The following IL12RB2 variants were observed in gnomAD, a reference collection of about 807,000 sequenced individuals.
The protein encoded by IL12RB2 is interleukin 12 receptor subunit beta 2, also known as interleukin-12 receptor subunit beta-2.
In IL12RB2, 82 loss-of-function variants were observed where a neutral mutation model predicts 89.4. That is an observed-to-expected ratio of 0.92 (90% CI 0.77 to 1.10). The LOEUF (loss-of-function observed/expected upper bound fraction) is 1.10, where lower values mean the gene tolerates loss of function less well. Ranked by LOEUF, IL12RB2 falls within the 50% of genes least tolerant of loss-of-function variation. IL12RB2 has a pLI of 0.00. For missense variants in IL12RB2, 963 were observed against 1,031.9 expected, an observed-to-expected ratio of 0.93 and a Z score of 0.92; for synonymous variants, 368 against 370.1, an observed-to-expected ratio of 0.99 and a Z score of 0.07.
intron 8 of IL12RB2, among the ~76,000 whole-genome samples, chr1:67,333,831 T>TC (rs1658419031): frequency 6.6e-6 from 1 of 152,194 alleles, no homozygotes; most frequent in South Asian, 2.1e-4. Flanking sequence ...AGGTGATCTC[T>TC]CACCACTTAG....
intron 10 of IL12RB2, among the ~76,000 whole-genome samples, chr1:67,367,122 TTGGCTCATG>T (rs1662759008): frequency 6.6e-6 from 1 of 152,072 alleles, no homozygotes; most frequent in South Asian, 2.1e-4. Context: ...GCTGGGCATG[TTGGCTCATG>T]CCTGTAATCC....
intron 10 of IL12RB2, 40 bp downstream of exon 10, chr1:67,351,129 T>C (rs777655206): frequency 6.2e-7 from 1 of 1,605,492 alleles, no homozygotes; most frequent in Middle Eastern, 2.2e-4. Context: ...TGTGGAAAAC[T>C]GTGTCTTACT....
At chr1:67,378,423 A>G (rs1054006381) in intron 13 of IL12RB2, among the ~76,000 whole-genome samples, 5 of 116,178 alleles carry the variant, frequency 4.3e-5, no homozygotes, top group Non-Finnish European at 7.3e-5. Flanking sequence ...CTGGTAATCT[A>G]GGTTTACAGC....
At chr1:67,339,853 A>G (rs542134442) in intron 9 of IL12RB2, among the ~76,000 whole-genome samples, 20 of 152,312 alleles carry the variant, frequency 1.3e-4, no homozygotes, top group South Asian at 1.0e-3. Context: ...ATCGTGACTC[A>G]TCTTTGTTGA....
intron 15 of IL12RB2, among the ~76,000 whole-genome samples, chr1:67,386,875 TATATATATATATATATATATATA>T (rs1665232908): frequency 5.0e-5 from 1 of 19,972 alleles, no homozygotes; most frequent in Admixed American, 5.0e-4. Context: ...ATGTATTTTA[TATATATATATATATATATATATA>T]TATATATATA....
chr1:67,366,417 C>T (rs1662674651), intron 10 of IL12RB2, among the ~76,000 whole-genome samples: 1 of 131,718 alleles, frequency 7.6e-6, no homozygotes, highest in Non-Finnish European at 1.5e-5. Flanking sequence ...TGCCACTGCA[C>T]TCCAGCCTGG....
At chr1:67,354,552 C>T (rs923446653) in intron 10 of IL12RB2, among the ~76,000 whole-genome samples, 3 of 152,028 alleles carry the variant, frequency 2.0e-5, no homozygotes, top group African/African-American at 4.8e-5. Flanking sequence ...TCTTCAGAGC[C>T]GAGCTGTCGT....
intron 9 of IL12RB2, among the ~76,000 whole-genome samples, chr1:67,342,180 C>T (rs1014190388): frequency 2.0e-5 from 3 of 151,896 alleles, no homozygotes; most frequent in Non-Finnish European, 4.4e-5. Context: ...GGAGCAAGGG[C>T]GTGTGTGGTG....
chr1:67,331,676 A>G (rs1658094953), intron 8 of IL12RB2, among the ~76,000 whole-genome samples: 1 of 152,104 alleles, frequency 6.6e-6, no homozygotes, highest in Non-Finnish European at 1.5e-5. Context: ...CATCTCTACC[A>G]AAAAGACAAG....
chr1:67,348,944 A>G (rs1660528113), intron 9 of IL12RB2, among the ~76,000 whole-genome samples: 1 of 152,128 alleles, frequency 6.6e-6, no homozygotes, highest in Admixed American at 6.5e-5. Flanking sequence ...CCACCTTTTC[A>G]TTGATATTTT....
intron 2 of IL12RB2, among the ~76,000 whole-genome samples, chr1:67,315,726 G>A (rs1655673242): frequency 6.6e-6 from 1 of 152,152 alleles, no homozygotes; most frequent in African/African-American, 2.4e-5. Flanking sequence ...ATAAAAATGT[G>A]ACTAAATTAT....
intron 11 of IL12RB2, among the ~76,000 whole-genome samples, chr1:67,371,784 G>A (rs1445544318): frequency 6.6e-6 from 1 of 152,174 alleles, no homozygotes; most frequent in Non-Finnish European, 1.5e-5. Flanking sequence ...AATCTTCCAG[G>A]CTGGGAAGCA....
At chr1:67,322,865 C>A (rs1327354864) in intron 4 of IL12RB2, among the ~76,000 whole-genome samples, 1 of 152,220 alleles carries the variant, frequency 6.6e-6, no homozygotes, top group Non-Finnish European at 1.5e-5. Context: ...CACCTACCTG[C>A]AGTTCGCAAC....
At chr1:67,383,046 G>T (rs1664770867) in intron 14 of IL12RB2, among the ~76,000 whole-genome samples, 1 of 152,168 alleles carries the variant, frequency 6.6e-6, no homozygotes, top group Non-Finnish European at 1.5e-5. Context: ...ACATACCTGA[G>T]ACTGGATAAT....
intron 6 of IL12RB2, 28 bp downstream of exon 6, chr1:67,328,412 T>A (rs752929978): frequency 6.2e-7 from 1 of 1,612,802 alleles, no homozygotes; most frequent in African/African-American, 1.3e-5. Flanking sequence ...GTTTCATTGG[T>A]ACTTTATAAT....
intron 16 of IL12RB2, among the ~76,000 whole-genome samples, chr1:67,390,338 A>AT (rs1665671142): frequency 6.6e-6 from 1 of 151,906 alleles, no homozygotes; most frequent in African/African-American, 2.4e-5. Flanking sequence ...GTTTATGATC[A>AT]TAAGACTAAA....
At chr1:67,312,516 T>A (rs1182338216) in intron 1 of IL12RB2, among the ~76,000 whole-genome samples, 2 of 152,092 alleles carry the variant, frequency 1.3e-5, no homozygotes, top group Non-Finnish European at 2.9e-5. Flanking sequence ...GTGGGATAAA[T>A]TCATTTCAAC....
intron 2 of IL12RB2, among the ~76,000 whole-genome samples, chr1:67,320,062 G>T (rs61779789): frequency 0.034 from 5,107 of 152,152 alleles, 137 homozygotes; most frequent in Non-Finnish European, 0.047. Context: ...CCCAGGTCAT[G>T]GTATTTTGTT....
At chr1:67,380,605 T>G (rs1664471109) in intron 14 of IL12RB2, among the ~76,000 whole-genome samples, 1 of 152,236 alleles carries the variant, frequency 6.6e-6, no homozygotes, top group African/African-American at 2.4e-5. Flanking sequence ...ATTAATTTGC[T>G]GGGGCTGCTG....
Sources: allele counts gnomAD v4.1 joint callset (sites outside exome capture counted in the v4.1 genomes callset), GRCh38; gene constraint gnomAD v4.1.1; transcripts MANE v1.5; gene names NCBI Gene and HGNC (gene_info 2026-07-23, HGNC 2026-07-21).